MET: variants seen among roughly 807,000 people sequenced by gnomAD.
MET encodes hepatocyte growth factor receptor.
Under a neutral mutation model 133.1 loss-of-function variants are expected in MET, and 48 were observed. That is an observed-to-expected ratio of 0.36 (90% CI 0.29 to 0.46). MET has a LOEUF of 0.46. Ranked by LOEUF, MET falls within the 20% of genes least tolerant of loss-of-function variation. MET has a pLI of 1.00. For missense variants in MET, 1,442 were observed against 1,695.9 expected (o/e 0.85, Z 2.63); for synonymous variants, 628 against 616.5 (o/e 1.02, Z -0.28).
At chr7:116,675,383 C>T (rs183838246) in intron 1 of MET, among the ~76,000 whole-genome samples, 58 of 152,220 alleles carry the variant, frequency 3.8e-4, no homozygotes, top group Non-Finnish European at 6.6e-4. Flanking sequence ...ACATGAGAAA[C>T]GCTTTCAAAA....
chr7:116,679,003 A>G (rs1796256715), intron 1 of MET, among the ~76,000 whole-genome samples: 1 of 152,206 alleles, frequency 6.6e-6, no homozygotes, highest in Non-Finnish European at 1.5e-5. Context: ...CCATGACAGT[A>G]TGGATGTTTG....
chr7:116,674,274 G>A (rs535284043), intron 1 of MET, among the ~76,000 whole-genome samples: 28 of 152,170 alleles, frequency 1.8e-4, no homozygotes, highest in African/African-American at 4.6e-4. Context: ...ATCATAGCCA[G>A]TCAATACGAA....
chr7:116,699,291 C>T lies in MET; in HGVS notation c.207C>T (p.Tyr69=), dbSNP rs1454856933. 1 of 1,614,026 alleles carries T rather than the reference C, an allele frequency of 6.2e-7. No homozygotes were observed. The highest frequency in any genetic ancestry group is 8.5e-7 in the Non-Finnish European group (1 of 1,179,962). The change falls in exon 2 of 21, where the codon TAC becomes TAT. Residue 69 remains tyrosine, a synonymous_variant. Coordinates refer to ENST00000397752, the MANE Select transcript of MET (RefSeq NM_000245.4). The part of the protein sequence containing the change: ...EHHIFLGATN[Y]IYVLNEEDLQ... Reference sequence around the variant, plus strand: ...ACATTTTCCTTGGTGCCACTAACTACATTTATGTTTTAAATGAGGAAGACC... The same window carrying T: ...ACATTTTCCTTGGTGCCACTAACTATATTTATGTTTTAAATGAGGAAGACC...
chr7:116,778,998 T>A (rs2117049031), intron 17 of MET, 41 bp downstream of exon 17: 1 of 1,605,950 alleles, frequency 6.2e-7, no homozygotes, highest in Non-Finnish European at 8.5e-7. Context: ...AAACTAGCTG[T>A]AAGCCAGCCA....
At chr7:116,753,121 GGGGTTTGATAACGA>G (rs1343335601) in intron 5 of MET, among the ~76,000 whole-genome samples, 1 of 152,220 alleles carries the variant, frequency 6.6e-6, no homozygotes, top group East Asian at 1.9e-4. Flanking sequence ...AAACTTTAAA[GGGGTTTGATAACGA>G]GGGTACATTA....
At chr7:116,766,851 C>T (rs561932408) in intron 11 of MET, among the ~76,000 whole-genome samples, 114 of 152,198 alleles carry the variant, frequency 7.5e-4, no homozygotes, top group African/African-American at 1.8e-3. Context: ...AACTAGCCAG[C>T]AAAGCCACCA....
At chr7:116,678,320 G>A (rs1796231921) in intron 1 of MET, among the ~76,000 whole-genome samples, 2 of 152,116 alleles carry the variant, frequency 1.3e-5, no homozygotes, top group Non-Finnish European at 2.9e-5. Flanking sequence ...TGCACATACA[G>A]TATACATATT....
At chr7:116,674,261 T>C (rs1441258804) in intron 1 of MET, among the ~76,000 whole-genome samples, 1 of 152,196 alleles carries the variant, frequency 6.6e-6, no homozygotes, top group Non-Finnish European at 1.5e-5. Flanking sequence ...ATGTACCAGA[T>C]TAATCATAGC....
chr7:116,673,942 C>T (rs1796063828), intron 1 of MET, among the ~76,000 whole-genome samples: 1 of 152,210 alleles, frequency 6.6e-6, no homozygotes, highest in South Asian at 2.1e-4. Context: ...TGCTGAATAA[C>T]AGAGGGAAAA....
At chr7:116,694,686 G>T (rs1203609401) in intron 1 of MET, among the ~76,000 whole-genome samples, 2 of 151,760 alleles carry the variant, frequency 1.3e-5, no homozygotes, top group African/African-American at 4.8e-5. Flanking sequence ...TAATTTTTTT[G>T]TTTTTGTTTT....
At position 116,699,531 on chromosome 7, in the gene MET, T is replaced by G. The variant is rs974448652; in HGVS notation, c.447T>G (p.Asn149Lys). Reference sequence around the variant, plus strand: ...GCCAGCGACATGTCTTTCCCCACAATCATACTGCTGACATACAGTCGGAGG... The same window carrying G: ...GCCAGCGACATGTCTTTCCCCACAAGCATACTGCTGACATACAGTCGGAGG... ...GTCQRHVFPH[N>K]HTADIQSEVH... is the part of the protein sequence containing the mutation. The change falls in exon 2 of 21, where the codon AAT becomes AAG. Residue 149 changes from asparagine (N) to lysine (K), a missense_variant. Coordinates refer to ENST00000397752, the MANE Select transcript of MET (RefSeq NM_000245.4). The G allele has an allele frequency of 2.5e-6, 4 of 1,613,874 alleles. No individual in the cohort carries two copies. The Admixed American group carries it at 5.0e-5, about 20-fold the overall frequency.
chr7:116,710,067 T>A (rs1791935903), intron 2 of MET, among the ~76,000 whole-genome samples: 1 of 152,208 alleles, frequency 6.6e-6, no homozygotes, highest in African/African-American at 2.4e-5. Flanking sequence ...GTATTTCTAA[T>A]GTGAAAAACA....
In MET at chr7:116,700,102, G is replaced by A. The variant is rs769544894; in HGVS notation, c.1018G>A (p.Asp340Asn). Residue 340 changes from aspartate (D) to asparagine (N), a missense_variant, in exon 2 of 21, where the codon GAC becomes AAC. By Grantham distance (23) the Asp-to-Asn change is conservative. Coordinates refer to ENST00000397752, the MANE Select transcript of MET (RefSeq NM_000245.4). ...ARQIGASLND[D>N]ILFGVFAQSK... ...ACAAATAGGAGCCAGCCTGAATGAT[G>A]ACATTCTTTTCGGGGTGTTCGCACA... is the stretch of plus-strand genomic sequence containing the variant. 1 of 1,610,486 alleles carries A rather than the reference G, an allele frequency of 6.2e-7. No individual in the cohort carries two copies. Among genetic ancestry groups the A allele is most frequent in the East Asian group, 2.2e-5 (1 of 44,860 alleles).
chr7:116,726,387 A>G (rs1792786665), intron 2 of MET, among the ~76,000 whole-genome samples: 1 of 151,156 alleles, frequency 6.6e-6, no homozygotes, highest in Admixed American at 6.6e-5. Flanking sequence ...TATTGGATGC[A>G]TGGGGTTTCC....
At chr7:116,733,897 G>A (rs558691321) in intron 3 of MET, among the ~76,000 whole-genome samples, 1 of 152,198 alleles carries the variant, frequency 6.6e-6, no homozygotes, top group East Asian at 1.9e-4. Flanking sequence ...AGGGCTATTC[G>A]AAACCACAGA....
chr7:116,788,026 G>A (rs923097564), intron 19 of MET, among the ~76,000 whole-genome samples: 2 of 152,056 alleles, frequency 1.3e-5, no homozygotes, highest in East Asian at 3.9e-4. Flanking sequence ...GCCTACTACA[G>A]CATGATAAAC....
chr7:116,756,304 C>T (rs1225367781), intron 6 of MET, among the ~76,000 whole-genome samples: 1 of 152,200 alleles, frequency 6.6e-6, no homozygotes, highest in Non-Finnish European at 1.5e-5. Flanking sequence ...ATAATAACAA[C>T]ACTCAAATAT....
At chr7:116,675,651 A>G (rs990534696) in intron 1 of MET, among the ~76,000 whole-genome samples, 2 of 152,166 alleles carry the variant, frequency 1.3e-5, no homozygotes, top group African/African-American at 2.4e-5. Flanking sequence ...AACATTTTCC[A>G]TGGAGGCATC....
At chr7:116,765,261 C>A (rs1187364611) in intron 11 of MET, among the ~76,000 whole-genome samples, 1 of 138,688 alleles carries the variant, frequency 7.2e-6, no homozygotes, top group Non-Finnish European at 1.5e-5. Context: ...GATGGCACCA[C>A]TGCACTCCAG....
Sources: gnomAD v4.1 joint callset for allele counts (sites outside exome capture counted in the v4.1 genomes callset) on GRCh38, gnomAD v4.1.1 for gene constraint, MANE v1.5 for transcripts, NCBI Gene and HGNC (gene_info 2026-07-23, HGNC 2026-07-21) for gene names.